The following TRPV2 variants were observed in gnomAD, a reference collection of about 807,000 sequenced individuals.
TRPV2 encodes the protein transient receptor potential cation channel subfamily V member 2.
In TRPV2, 58 loss-of-function variants were observed where a neutral mutation model predicts 91.0. That is an observed-to-expected ratio of 0.64 (90% CI 0.52 to 0.79). The LOEUF (loss-of-function observed/expected upper bound fraction) is 0.79, where lower values mean the gene tolerates loss of function less well. Among genes scored for constraint, TRPV2 ranks in the 30% least tolerant of loss-of-function variants. The probability of loss-of-function intolerance (pLI) is 0.00; values close to 1 mark genes in which losing one functional copy is unlikely to be tolerated. For synonymous variants in TRPV2, 417 were observed against 414.8 expected, an observed-to-expected ratio of 1.01 and a Z score of -0.06; for missense variants, 807 against 969.6, an observed-to-expected ratio of 0.83 and a Z score of 2.23.
Position 16,417,653 on chromosome 17 carries a change from G to C in TRPV2, c.-16G>C. Reference sequence around the variant, plus strand: ...ACAGAGGTCCTGGCTGGACCGAGCAGCCTCCTCCTCCTAGGATGACCTCAC... The same window carrying C: ...ACAGAGGTCCTGGCTGGACCGAGCACCCTCCTCCTCCTAGGATGACCTCAC... On this transcript the variant is annotated 5_prime_UTR_variant, in exon 2 of 15. Coordinates refer to ENST00000338560, the MANE Select transcript of TRPV2 (RefSeq NM_016113.5). 6 of 1,613,388 alleles carry C rather than the reference G, an allele frequency of 3.7e-6. No individual in the cohort carries two copies. Among genetic ancestry groups the C allele is most frequent in the Non-Finnish European group, 5.1e-6 (6 of 1,179,622 alleles).
intron 13 of TRPV2, 106 bp from the exon 14 acceptor site, chr17:16,434,784 G>C (rs1463716437): frequency 7.5e-6 from 8 of 1,066,716 alleles, no homozygotes; most frequent in African/African-American, 1.6e-5. Flanking sequence ...GTGTCCACCA[G>C]AGCATCTCTG....
intron 3 of TRPV2, among the ~76,000 whole-genome samples, chr17:16,420,642 G>A (rs1016683623): frequency 6.6e-6 from 1 of 152,102 alleles, no homozygotes; most frequent in Non-Finnish European, 1.5e-5. Context: ...GTATTGTTTG[G>A]GCTGATCAGA....
intron 3 of TRPV2, among the ~76,000 whole-genome samples, chr17:16,420,789 T>C (rs1445302485): frequency 6.6e-6 from 1 of 152,222 alleles, no homozygotes; most frequent in African/African-American, 2.4e-5. Flanking sequence ...TTCTTCTTTT[T>C]TATTTTTGGA....
At position 16,436,809 on chromosome 17, in the gene TRPV2, C is replaced by G; in HGVS notation, c.2215C>G (p.Leu739Val). The G allele has an allele frequency of 6.2e-7, 1 of 1,614,058 alleles. No homozygotes were observed. Among genetic ancestry groups the G allele is most frequent in the Non-Finnish European group, 8.5e-7 (1 of 1,179,944 alleles). Residue 739 changes from leucine to valine, a missense_variant, in exon 15 of 15, where the codon CTG becomes GTG. Leu to Val is a conservative substitution (Grantham distance 32, BLOSUM62 1). Coordinates refer to ENST00000338560, the MANE Select transcript of TRPV2 (RefSeq NM_016113.5). ...TACAGGAACTCTCGAGAACCCTGTC[C>G]TGGCTTCCCCTCCCAAGGAGGATGA... ...GVPRTLENPV[L>V]ASPPKEDEDG...
chr17:16,433,545 G>A (rs201888275), intron 12 of TRPV2, 29 bp from the exon 13 acceptor site: 98 of 1,611,532 alleles, frequency 6.1e-5, no homozygotes, highest in Non-Finnish European at 6.4e-5. Flanking sequence ...GTCCCAGGAC[G>A]TTCTGTCTGA....
rs777133067 is a variant in TRPV2 at position 16,426,060 on chromosome 17, A to AAGGG, written c.925-37_925-34dup. Reference sequence around the variant, plus strand: ...GCCTTGGCCCAGGATCAGTGCCAGGAAGGGACCATGAATGCAAGCTCATAT... The same window carrying AAGGG: ...GCCTTGGCCCAGGATCAGTGCCAGGAAGGGAGGGACCATGAATGCAAGCTCATAT... On this transcript the variant is annotated intron_variant, in intron 5 of 14. Coordinates refer to ENST00000338560, the MANE Select transcript of TRPV2 (RefSeq NM_016113.5). The surrounding 1 kb of genome is among the most constrained non-coding windows in gnomAD (Gnocchi z 6.0). 4.7e-5 allele frequency: 76 copies of AAGGG among 1,610,966 alleles called. No individual in the cohort carries two copies. The highest frequency in any genetic ancestry group is 6.5e-5 in the Non-Finnish European group (76 of 1,177,824).
intron 3 of TRPV2, among the ~76,000 whole-genome samples, chr17:16,421,679 G>A (rs948110088): frequency 1.3e-5 from 2 of 151,690 alleles, no homozygotes; most frequent in African/African-American, 4.8e-5. Flanking sequence ...CCAGCACTGC[G>A]CCTGGCTAAT....
At chr17:16,433,737 G>A (rs1182461517) in intron 13 of TRPV2, 39 bp downstream of exon 13, 2 of 1,606,826 alleles carry the variant, frequency 1.2e-6, no homozygotes, top group African/African-American at 1.3e-5. Flanking sequence ...GGGCCTTGCT[G>A]TCCAGCAATC....
At chr17:16,425,830 C>T (rs1411815723) in intron 5 of TRPV2, among the ~76,000 whole-genome samples, 1 of 152,148 alleles carries the variant, frequency 6.6e-6, no homozygotes, top group Non-Finnish European at 1.5e-5. Flanking sequence ...GATCAATCTG[C>T]CATTTGAGGA....
chr17:16,427,542 G>A lies in TRPV2; in HGVS notation c.1345G>A (p.Gly449Ser), dbSNP rs375372214. Reference protein sequence around the residue: ...ILLGGIYLLVGQLWYFWRRHV... With the variant: ...ILLGGIYLLVSQLWYFWRRHV... ...GCTAGGGGGGATCTACCTCCTCGTG[G>A]GCCAGGTGAGTGCCCCTCCCCTTCT... The change falls in exon 8 of 15, where the codon GGC becomes AGC. Residue 449 changes from glycine (G) to serine (S), a missense_variant. Transcript: ENST00000338560. 3.0e-5 allele frequency: 49 copies of A among 1,610,784 alleles called. No individual in the cohort carries two copies. The highest frequency in any genetic ancestry group is 4.2e-5 in the Non-Finnish European group (49 of 1,177,970).
chr17:16,430,154 T>C (rs959621783), intron 10 of TRPV2, among the ~76,000 whole-genome samples: 9 of 151,986 alleles, frequency 5.9e-5, no homozygotes, highest in African/African-American at 2.2e-4. Flanking sequence ...CATGAGCTAC[T>C]GCGCCTGGCC....
chr17:16,427,973 T>C (rs920273037), intron 8 of TRPV2, among the ~76,000 whole-genome samples: 1 of 151,886 alleles, frequency 6.6e-6, no homozygotes, highest in Non-Finnish European at 1.5e-5. Flanking sequence ...ACCAAGACAT[T>C]GGGACCTCCG....
chr17:16,422,493 A>G, intron 3 of TRPV2, 106 bp from the exon 4 acceptor site: 3 of 1,171,498 alleles, frequency 2.6e-6, no homozygotes, highest in South Asian at 1.5e-5. Flanking sequence ...ATCTCTTTTA[A>G]TCCTCCCAAG....
At chr17:16,434,006 G>A (rs2093424644) in intron 13 of TRPV2, among the ~76,000 whole-genome samples, 1 of 152,184 alleles carries the variant, frequency 6.6e-6, no homozygotes, top group South Asian at 2.1e-4. Flanking sequence ...AGGGACCCTT[G>A]GGTTGCTAGC....
At position 16,432,132 on chromosome 17, in the gene TRPV2, G is replaced by T; in HGVS notation, c.1821G>T (p.Met607Ile). Residue 607 changes from methionine (M) to isoleucine (I), a missense_variant, in exon 12 of 15, where the codon ATG (methionine) becomes ATT (isoleucine). Physicochemically the swap from Met to Ile is conservative, Grantham distance 10. Coordinates refer to ENST00000338560, the MANE Select transcript of TRPV2 (RefSeq NM_016113.5). ...SLELFKFTIG[M>I]GELAFQEQLH... ...AGCTCTTCAAATTCACCATCGGCAT[G>T]GGCGAGCTGGCCTTCCAGGAGCAGC... The T allele has an allele frequency of 6.2e-7, 1 of 1,614,258 alleles. No individual in the cohort carries two copies. The highest frequency in any genetic ancestry group is 1.1e-5 in the South Asian group (1 of 91,088).
chr17:16,429,131 A>C, intron 10 of TRPV2, 149 bp downstream of exon 10: 2 of 845,862 alleles, frequency 2.4e-6, no homozygotes, highest in Non-Finnish European at 3.6e-6. Context: ...GCTTAAGTAC[A>C]GGCCTGCACA....
intron 10 of TRPV2, among the ~76,000 whole-genome samples, chr17:16,429,696 G>A (rs1163924282): frequency 1.3e-5 from 2 of 152,162 alleles, no homozygotes; most frequent in Non-Finnish European, 2.9e-5. Flanking sequence ...GGAGCTTGGG[G>A]TGCTTGGGAC....
In TRPV2 at chr17:16,435,331, A is replaced by G. The variant is rs1216518171; in HGVS notation, c.2194+362A>G. On this transcript the variant is annotated intron_variant, in intron 14 of 14. Coordinates refer to ENST00000338560, the MANE Select transcript of TRPV2 (RefSeq NM_016113.5). This position sits in a 1 kb window ranked among gnomAD's most constrained non-coding sequence, Gnocchi z 4.2. ...CCTGGGCTGAGCCTGGGGACTCAGC[A>G]GGGGAATAAGTTAGGAAGGGCTGTG... 2.0e-5 allele frequency among the ~76,000 whole-genome samples: 3 copies of G among 152,136 alleles called. No homozygotes were observed. The highest frequency in any genetic ancestry group is 4.4e-5 in the Non-Finnish European group (3 of 68,006).
At chr17:16,436,741 G>A (rs1006895394) in intron 14 of TRPV2, 48 bp from the exon 15 acceptor site, 7 of 1,393,730 alleles carry the variant, frequency 5.0e-6, no homozygotes, top group Non-Finnish European at 5.1e-6. Context: ...CCTGCTTCCT[G>A]GGGACACACT....
Sources: allele counts gnomAD v4.1 joint callset (sites outside exome capture counted in the v4.1 genomes callset), GRCh38; gene constraint gnomAD v4.1.1; non-coding constraint Gnocchi (gnomAD v3.1); transcripts MANE v1.5; gene names NCBI Gene and HGNC (gene_info 2026-07-23, HGNC 2026-07-21).